TGM2: variants seen among roughly 807,000 people sequenced by gnomAD.
TGM2 encodes transglutaminase 2, also known as protein-glutamine gamma-glutamyltransferase 2.
A neutral mutation model predicts 75.6 loss-of-function variants in TGM2; 53 were observed. The observed-to-expected ratio is 0.70, with a 90% CI of 0.56 to 0.88. The LOEUF (loss-of-function observed/expected upper bound fraction) is 0.88. TGM2 is among the 40% of genes least tolerant of loss of function. The probability of loss-of-function intolerance (pLI) is 0.00; values close to 1 mark genes in which losing one functional copy is unlikely to be tolerated. For missense variants in TGM2, 842 were observed against 928.5 expected (o/e 0.91, Z 1.21); for synonymous variants, 374 against 381.1 (o/e 0.98, Z 0.22).
At chr20:38,139,263 C>T (rs1453925042) in intron 9 of TGM2, 149 bp downstream of exon 9, 2 of 1,126,294 alleles carry the variant, frequency 1.8e-6, no homozygotes, top group Non-Finnish European at 2.6e-6. Flanking sequence ...GTTTCTAAGG[C>T]ATTGCTGAAG....
In TGM2 at chr20:38,131,343, AC is replaced by A. The variant is rs2074828676; in HGVS notation, c.1777-115del. ...GAACAAAGCTGTACCCAGGTCTGCC[AC>A]GATCACCCCCCCTCCCCCCACCTCT... is the stretch of plus-strand genomic sequence containing the variant. On this transcript the variant is annotated intron_variant, in intron 11 of 12. Transcript: ENST00000361475. The A allele has an allele frequency of 4.2e-6, 6 of 1,440,756 alleles. No homozygotes were observed. In the Admixed American group the frequency reaches 5.5e-5, roughly 13 times the overall value. The allele number at this position is 1,440,756 out of a possible 1,614,324, so 89.2% of individuals were successfully genotyped here. A position where few individuals can be genotyped will look rare whatever the true frequency, so the allele number is the denominator to read the frequency against.
At chr20:38,148,539 G>T (rs1251289809) in intron 4 of TGM2, among the ~76,000 whole-genome samples, 2 of 152,170 alleles carry the variant, frequency 1.3e-5, no homozygotes, top group Admixed American at 1.3e-4. Flanking sequence ...GCCCACACAC[G>T]CTGCTCTGAT....
chr20:38,155,688 G>A (rs2075175353), intron 3 of TGM2, among the ~76,000 whole-genome samples, 159 bp downstream of exon 3: 1 of 152,180 alleles, frequency 6.6e-6, no homozygotes, highest in South Asian at 2.1e-4. Context: ...GAGTACTCAT[G>A]TCTTGAGGGT....
At chr20:38,149,262 C>T (rs186288949) in intron 4 of TGM2, among the ~76,000 whole-genome samples, 1 of 152,318 alleles carries the variant, frequency 6.6e-6, no homozygotes, top group East Asian at 1.9e-4. Context: ...AAGAAGTACC[C>T]CCTGATCCCC....
intron 3 of TGM2, among the ~76,000 whole-genome samples, chr20:38,153,795 T>C (rs2075147964): frequency 6.6e-6 from 1 of 152,084 alleles, no homozygotes; most frequent in African/African-American, 2.4e-5. Flanking sequence ...AGGCCATTTC[T>C]CTGTAGTCTT....
chr20:38,149,089 G>T (rs544176412), intron 4 of TGM2, among the ~76,000 whole-genome samples: 2 of 152,164 alleles, frequency 1.3e-5, no homozygotes, highest in Admixed American at 6.5e-5. Flanking sequence ...CACACACAAG[G>T]TATGCCCCAA....
In TGM2 at chr20:38,129,384, C is replaced by T. The variant is rs1404360768; in HGVS notation, c.*835G>A. The T allele has an allele frequency of 6.6e-6, 1 of 152,216 alleles. No individual in the cohort carries two copies. Among genetic ancestry groups the T allele is most frequent in the African/African-American group, 2.4e-5 (1 of 41,462 alleles). The allele number at this position is 152,216 out of a possible 1,614,324, so 9.4% of individuals were successfully genotyped here. On this transcript the variant is annotated 3_prime_UTR_variant, in exon 13 of 13. Coordinates refer to ENST00000361475, the MANE Select transcript of TGM2 (RefSeq NM_004613.4). ...TTGATAAAGGCCCCAGACAGCCTCTCCGACAGTCTCAGGTCAGGCTGGGGT... is the reference window on the plus strand; with the variant it reads ...TTGATAAAGGCCCCAGACAGCCTCTTCGACAGTCTCAGGTCAGGCTGGGGT...
chr20:38,138,487 GCAGCCATGAAGGAGCC>G, intron 9 of TGM2, 102 bp from the exon 10 acceptor site: 1 of 1,598,846 alleles, frequency 6.3e-7, no homozygotes, highest in Non-Finnish European at 8.5e-7. Flanking sequence ...ATGACTCAGG[GCAGCCATGAAGGAGCC>G]CCTTCTCTAC....
At chr20:38,166,920 G>C (rs1450256483), upstream of TGM2, among the ~76,000 whole-genome samples, 1 of 152,170 alleles carries the variant, frequency 6.6e-6, no homozygotes, top group Admixed American at 6.5e-5. Flanking sequence ...GACCGAGAGG[G>C]AAGTCGGTCA....
intron 1 of TGM2, among the ~76,000 whole-genome samples, chr20:38,164,883 C>T (rs970428309): frequency 1.3e-5 from 2 of 152,224 alleles, no homozygotes; most frequent in African/African-American, 4.8e-5. Flanking sequence ...TCCAGGCACA[C>T]ATCAGAGAGC....
At chr20:38,145,231 G>T (rs1329555249) in intron 6 of TGM2, 1 of 152,134 alleles carries the variant, frequency 6.6e-6, no homozygotes, top group Admixed American at 6.5e-5. Flanking sequence ...TGTGCTGGGG[G>T]CCCTGCCAGG....
chr20:38,161,681 G>A, intron 1 of TGM2, 82 bp from the exon 2 acceptor site: 2 of 1,529,174 alleles, frequency 1.3e-6, no homozygotes, highest in South Asian at 1.1e-5. Context: ...CTAGACATGG[G>A]GGCCTTGTGC....
intron 1 of TGM2, 65 bp from the exon 2 acceptor site, chr20:38,161,664 G>A: frequency 6.3e-7 from 1 of 1,583,122 alleles, no homozygotes; most frequent in Non-Finnish European, 8.7e-7. Flanking sequence ...TGATGCACCT[G>A]CCCTCCCTAG....
chr20:38,130,214 G>T lies in TGM2; in HGVS notation c.*5C>A. ...GGCTCTCAGCAGGCTGGGAGCAGGG[G>T]TCCCTTAGGCGGGGCCAATGATGAC... On this transcript the variant is annotated 3_prime_UTR_variant, in exon 13 of 13. Transcript: ENST00000361475. The T allele has an allele frequency of 6.2e-7, 1 of 1,613,324 alleles. No individual in the cohort carries two copies. The highest frequency in any genetic ancestry group is 8.5e-7 in the Non-Finnish European group (1 of 1,179,866).
intron 4 of TGM2, 29 bp from the exon 5 acceptor site, chr20:38,148,118 A>G (rs748059877): frequency 2.5e-6 from 4 of 1,613,538 alleles, no homozygotes; most frequent in Non-Finnish European, 3.4e-6. Context: ...GAGGAGAAAG[A>G]GGGAGCTGGG....
Position 38,142,214 on chromosome 20 carries a change from T to G in TGM2, c.860-15A>C. The G allele has an allele frequency of 6.2e-7, 1 of 1,613,688 alleles. No homozygotes were observed. The highest frequency in any genetic ancestry group is 8.5e-7 in the Non-Finnish European group (1 of 1,179,864). On this transcript the variant is annotated splice_polypyrimidine_tract_variant and intron_variant, in intron 6 of 12. Transcript: ENST00000361475. ...GCACCTCAGCACTGTTGGAGAGGAG[T>G]GGAAAGCGGGGTGAGGTCCTGGAGA... is the stretch of plus-strand genomic sequence containing the variant.
At chr20:38,139,005 C>T (rs991893827) in intron 9 of TGM2, among the ~76,000 whole-genome samples, 2 of 152,170 alleles carry the variant, frequency 1.3e-5, no homozygotes, top group African/African-American at 4.8e-5. Flanking sequence ...CCAGGCAACC[C>T]TGGAAAGTCA....
Position 38,129,818 on chromosome 20 carries a change from C to T in TGM2, c.*401G>A. 1 of 226,366 alleles carries T rather than the reference C, an allele frequency of 4.4e-6. No homozygotes were observed. The highest frequency in any genetic ancestry group is 6.8e-5 in the South Asian group (1 of 14,736). The allele number at this position is 226,366 out of a possible 1,614,324, so 14.0% of individuals were successfully genotyped here. ...GGATGCAGTCTAGGGAGCTGGATTCCCTGATCCAGCCAAGGGGCATGCTGT... is the reference window on the plus strand; with the variant it reads ...GGATGCAGTCTAGGGAGCTGGATTCTCTGATCCAGCCAAGGGGCATGCTGT... On this transcript the variant is annotated 3_prime_UTR_variant, in exon 13 of 13. Transcript: ENST00000361475.
rs769823398 is a variant in TGM2 at position 38,148,414 on chromosome 20, A to T, written c.553-325T>A. ...GTCCCTGGGGCTCCCCCTCAGAGTC[A>T]CCTTGGGCCCTGTCACTGTCCCTTT... is the stretch of plus-strand genomic sequence containing the variant. On this transcript the variant is annotated intron_variant, in intron 4 of 12. Transcript: ENST00000361475. Among the ~76,000 whole-genome samples the T allele has an allele frequency of 6.4e-4, 97 of 152,012 alleles. 1 individual carries two copies. Among genetic ancestry groups the T allele is most frequent in the Admixed American group, 1.2e-3 (19 of 15,272 alleles).
Sources: allele counts gnomAD v4.1 joint callset (sites outside exome capture counted in the v4.1 genomes callset), GRCh38; gene constraint gnomAD v4.1.1; transcripts MANE v1.5; gene names NCBI Gene and HGNC (gene_info 2026-07-23, HGNC 2026-07-21).